PBX1: variants seen among roughly 807,000 people sequenced by gnomAD.
PBX1 encodes pre-B-cell leukemia transcription factor 1.
In PBX1, 6 loss-of-function variants were observed where a neutral mutation model predicts 53.4. That is an observed-to-expected ratio of 0.11 (90% CI 0.06 to 0.22). The LOEUF (loss-of-function observed/expected upper bound fraction) is 0.22, where lower values mean the gene tolerates loss of function less well. Among genes scored for constraint, PBX1 ranks in the 10% least tolerant of loss-of-function variants. The pLI is 1.00. For synonymous variants in PBX1, 204 were observed against 212.3 expected, an observed-to-expected ratio of 0.96 and a Z score of 0.34; for missense variants, 251 against 551.4, an observed-to-expected ratio of 0.46 and a Z score of 5.46.
At chr1:164,624,659 A>G (rs1273626224) in intron 2 of PBX1, among the ~76,000 whole-genome samples, 1 of 152,244 alleles carries the variant, frequency 6.6e-6, no homozygotes, top group Non-Finnish European at 1.5e-5. Context: ...CTTTGAATGT[A>G]TGAAATGCTA....
intron 2 of PBX1, among the ~76,000 whole-genome samples, chr1:164,596,388 T>A (rs754976623): frequency 1.6e-4 from 24 of 152,246 alleles, no homozygotes; most frequent in Non-Finnish European, 5.9e-5. Context: ...TCATTAACTT[T>A]TATATGCCTG....
At chr1:164,844,851 TGAAA>T (rs906919767) in intron 8 of PBX1, among the ~76,000 whole-genome samples, 1 of 152,224 alleles carries the variant, frequency 6.6e-6, no homozygotes. Context: ...CTTTCTGTTA[TGAAA>T]GAAAGAATTA....
intron 2 of PBX1, among the ~76,000 whole-genome samples, chr1:164,592,794 C>T (rs1655484534): frequency 6.6e-6 from 1 of 152,158 alleles, no homozygotes; most frequent in African/African-American, 2.4e-5. Context: ...TTCCTGGACA[C>T]ACCAGGCTCC....
At chr1:164,574,554 A>G (rs932723558) in intron 2 of PBX1, among the ~76,000 whole-genome samples, 4 of 152,154 alleles carry the variant, frequency 2.6e-5, no homozygotes, top group Non-Finnish European at 5.9e-5. Context: ...TGGCAGCTCT[A>G]ATTTCTCCTA....
intron 2 of PBX1, among the ~76,000 whole-genome samples, chr1:164,782,912 T>A (rs1668001654): frequency 6.6e-6 from 1 of 152,206 alleles, no homozygotes; most frequent in South Asian, 2.1e-4. Flanking sequence ...AACTTAAACA[T>A]GCTTCCTCAA....
At position 164,663,256 on chromosome 1, in the gene PBX1, G is replaced by T. The variant is rs1003777733; in HGVS notation, c.265+99945G>T. On this transcript the variant is annotated intron_variant, in intron 2 of 8. Coordinates refer to ENST00000420696, the MANE Select transcript of PBX1 (RefSeq NM_002585.4). ...TTCCTTCCTTCCTGCCTTCCTGCCT[G>T]CCTGCCTGCCTGCCTGCCTGCCTGC... Among the ~76,000 whole-genome samples the T allele has an allele frequency of 2.7e-4, 32 of 117,262 alleles. No individual in the cohort carries two copies. The South Asian group carries it at 4.3e-3, about 16-fold the overall frequency. The allele number at this position is 117,262 out of a possible 152,430, so 76.9% of individuals were successfully genotyped here. A position where few individuals can be genotyped will look rare whatever the true frequency, so the allele number is the denominator to read the frequency against.
chr1:164,681,511 C>G (rs1481882976), intron 2 of PBX1, among the ~76,000 whole-genome samples: 1 of 152,156 alleles, frequency 6.6e-6, no homozygotes, highest in Admixed American at 6.5e-5. Context: ...CTTAGAGATA[C>G]AACTGTTCAA....
At chr1:164,570,284 A>G (rs953813789) in intron 2 of PBX1, among the ~76,000 whole-genome samples, 2 of 152,094 alleles carry the variant, frequency 1.3e-5, no homozygotes, top group African/African-American at 4.8e-5. Flanking sequence ...AGGTATACAC[A>G]TGCCATGGTG....
intron 2 of PBX1, among the ~76,000 whole-genome samples, chr1:164,766,819 C>T (rs1173404139): frequency 5.3e-5 from 8 of 151,170 alleles, no homozygotes; most frequent in East Asian, 1.9e-4. Flanking sequence ...CTTTGCCTCC[C>T]GGGTTCAAGC....
chr1:164,799,998 A>T, intron 4 of PBX1, 109 bp downstream of exon 4: 1 of 948,352 alleles, frequency 1.1e-6, no homozygotes, highest in South Asian at 1.7e-5. Context: ...TCAACGCTGA[A>T]CCAAGTGATA....
chr1:164,625,267 C>T (rs1179590175), intron 2 of PBX1, among the ~76,000 whole-genome samples: 3 of 152,136 alleles, frequency 2.0e-5, no homozygotes, highest in African/African-American at 2.4e-5. Context: ...AGCTTCTTGA[C>T]GGATAAAGAC....
chr1:164,676,230 G>A (rs191964060), intron 2 of PBX1, among the ~76,000 whole-genome samples: 1 of 152,216 alleles, frequency 6.6e-6, no homozygotes, highest in East Asian at 1.9e-4. Context: ...CAGACCAAGT[G>A]CCTGGGCTTC....
At chr1:164,827,211 G>T (rs1397559592) in intron 8 of PBX1, among the ~76,000 whole-genome samples, 1 of 152,194 alleles carries the variant, frequency 6.6e-6, no homozygotes, top group Non-Finnish European at 1.5e-5. Flanking sequence ...GTAAGATGTT[G>T]CCACATGTGG....
rs145485834 is a variant in PBX1, at chr1:164,577,598, T to G, written c.265+14287T>G. On this transcript the variant is annotated intron_variant, in intron 2 of 8. Coordinates refer to ENST00000420696, the MANE Select transcript of PBX1 (RefSeq NM_002585.4). ...AGGAAAGATGTTCTTGATGTGTGAT[T>G]ATTATTCTTAAGTGTATTCTAGTGC... Among the ~76,000 whole-genome samples the G allele has an allele frequency of 6.6e-3, 1,000 of 152,326 alleles. 2 individuals carry two copies. Among genetic ancestry groups the G allele is most frequent in the Non-Finnish European group, 0.011 (774 of 68,022 alleles).
rs891692935 is a variant in PBX1, at chr1:164,669,449, C to T, written c.265+106138C>T. On this transcript the variant is annotated intron_variant, in intron 2 of 8. Transcript: ENST00000420696. ...CCACAGAGGACATGGGGTGGGGGCA[C>T]ATTCTTCTAGCAGATGTGGGTGTTG... Among the ~76,000 whole-genome samples, 9 of 152,302 alleles carry T rather than the reference C, an allele frequency of 5.9e-5. No individual in the cohort carries two copies. In the South Asian group the frequency reaches 1.9e-3, roughly 32 times the overall value.
chr1:164,876,258 T>C (rs1390471123), intron 2 of PBX1, among the ~76,000 whole-genome samples: 1 of 152,008 alleles, frequency 6.6e-6, no homozygotes, highest in African/African-American at 2.4e-5. Flanking sequence ...TCTATATCAT[T>C]TAAAATGGAT....
chr1:164,654,798 C>A (rs1339429752), intron 2 of PBX1, among the ~76,000 whole-genome samples: 1 of 152,166 alleles, frequency 6.6e-6, no homozygotes, highest in Non-Finnish European at 1.5e-5. Flanking sequence ...GATAGTTAAC[C>A]AAGTCTTAAG....
chr1:164,559,689 CT>C lies in PBX1; in HGVS notation c.-128del. On this transcript the variant is annotated 5_prime_UTR_variant, in exon 1 of 9. Transcript: ENST00000420696. ...GGGATTTTTTTTTTCTTTTGGTCTT[CT>C]TTTTTCCCCCTTCCCTGTTTATCCT... is the stretch of plus-strand genomic sequence containing the variant. The C allele has an allele frequency of 1.7e-5, 6 of 357,132 alleles. No homozygotes were observed. The highest frequency in any genetic ancestry group is 1.8e-5 in the Non-Finnish European group (4 of 225,002). 22.1% of individuals were successfully genotyped at this position (357,132 alleles called of 1,614,324 possible).
chr1:164,800,298 T>C (rs1213018522), intron 4 of PBX1, among the ~76,000 whole-genome samples: 3 of 152,298 alleles, frequency 2.0e-5, no homozygotes, highest in Non-Finnish European at 4.4e-5. Flanking sequence ...TTCCACACTG[T>C]AGATGGACAG....
Sources: allele counts gnomAD v4.1 joint callset (sites outside exome capture counted in the v4.1 genomes callset), GRCh38; gene constraint gnomAD v4.1.1; transcripts MANE v1.5; gene names NCBI Gene and HGNC (gene_info 2026-07-23, HGNC 2026-07-21).